Variants in PCDHGB3 observed in about 807,000 individuals in gnomAD.
PCDHGB3 encodes protocadherin gamma-B3.
Under a neutral mutation model 59.2 loss-of-function variants are expected in PCDHGB3, and 40 were observed. That is an observed-to-expected ratio of 0.68 (90% CI 0.52 to 0.88). The LOEUF (loss-of-function observed/expected upper bound fraction) is 0.88. PCDHGB3 is among the 40% of genes least tolerant of loss of function. The probability of loss-of-function intolerance (pLI) is 0.00; values close to 1 mark genes in which losing one functional copy is unlikely to be tolerated. For missense variants in PCDHGB3, 1,309 were observed against 1,187.9 expected, an observed-to-expected ratio of 1.10 and a Z score of -1.50; for synonymous variants, 581 against 503.6, an observed-to-expected ratio of 1.15 and a Z score of -2.06.
At chr5:141,437,096 C>T (rs989863634) in intron 1 of PCDHGB3, among the ~76,000 whole-genome samples, 6 of 152,122 alleles carry the variant, frequency 3.9e-5, no homozygotes, top group Non-Finnish European at 8.8e-5. Context: ...AAACTAACGG[C>T]TTAGCTTTAG....
rs1399250599 is a variant in PCDHGB3, at chr5:141,476,902, C to A, written c.2416-17905C>A. On this transcript the variant is annotated intron_variant, in intron 1 of 3. Coordinates refer to ENST00000576222, the MANE Select transcript of PCDHGB3 (RefSeq NM_018924.5). The surrounding 1 kb of genome is among the most constrained non-coding windows in gnomAD (Gnocchi z 7.6). ...TGGAGGATGCACCCTCCGGCACGCG[C>A]GTGGTACAAGTCCTTGCAACGGATC... 5 of 1,613,880 alleles carry A rather than the reference C, an allele frequency of 3.1e-6. No individual in the cohort carries two copies. Among genetic ancestry groups the A allele is most frequent in the South Asian group, 1.1e-5 (1 of 91,090 alleles).
chr5:141,450,468 A>G (rs1187171122), intron 1 of PCDHGB3, among the ~76,000 whole-genome samples: 2 of 151,696 alleles, frequency 1.3e-5, no homozygotes, highest in African/African-American at 4.9e-5. Flanking sequence ...TTTTATATAT[A>G]GAGTTTGTTT....
chr5:141,409,882 G>A, intron 1 of PCDHGB3: 1 of 1,613,006 alleles, frequency 6.2e-7, no homozygotes, highest in Non-Finnish European at 8.5e-7. Context: ...ACAACGCACC[G>A]CGGGTGCTGT....
intron 2 of PCDHGB3, among the ~76,000 whole-genome samples, chr5:141,503,977 CCTT>C (rs1012021012): frequency 1.3e-5 from 2 of 152,250 alleles, no homozygotes; most frequent in Admixed American, 1.3e-4. Flanking sequence ...GGTGCCAAAC[CCTT>C]CTTCTTACCT....
rs748017565 is a variant in PCDHGB3 at position 141,477,404 on chromosome 5, C to G, written c.2416-17403C>G. ...AGAATACAACCTCAGCATCACCGCCCGAGACGCCGGAACCCCTTCCCTCTC... is the reference window on the plus strand; with the variant it reads ...AGAATACAACCTCAGCATCACCGCCGGAGACGCCGGAACCCCTTCCCTCTC... On this transcript the variant is annotated intron_variant, in intron 1 of 3. Coordinates refer to ENST00000576222, the MANE Select transcript of PCDHGB3 (RefSeq NM_018924.5). The surrounding 1 kb of genome is among the most constrained non-coding windows in gnomAD (Gnocchi z 4.9). The G allele has an allele frequency of 1.9e-6, 3 of 1,614,042 alleles. No homozygotes were observed. Among genetic ancestry groups the G allele is most frequent in the African/African-American group, 1.3e-5 (1 of 74,902 alleles).
intron 1 of PCDHGB3, chr5:141,389,237 A>G (rs758770216): frequency 3.1e-6 from 5 of 1,612,662 alleles, no homozygotes; most frequent in Non-Finnish European, 4.2e-6. Flanking sequence ...CGGTTTTCTC[A>G]CAGTCTTCCT....
intron 1 of PCDHGB3, chr5:141,433,104 A>G: frequency 6.2e-7 from 1 of 1,614,214 alleles, no homozygotes; most frequent in Non-Finnish European, 8.5e-7. Flanking sequence ...CTCGTCAGCC[A>G]GGAGAGCTTT....
rs374253072 is a variant in PCDHGB3, at chr5:141,476,894, G to A, written c.2416-17913G>A. ...GCGCGTCCTGGAGGATGCACCCTCCGGCACGCGCGTGGTACAAGTCCTTGC... is the reference window on the plus strand; with the variant it reads ...GCGCGTCCTGGAGGATGCACCCTCCAGCACGCGCGTGGTACAAGTCCTTGC... On this transcript the variant is annotated intron_variant, in intron 1 of 3. Transcript: ENST00000576222. The surrounding 1 kb of genome is among the most constrained non-coding windows in gnomAD (Gnocchi z 7.6). 48 of 1,613,834 alleles carry A rather than the reference G, an allele frequency of 3.0e-5. No homozygotes were observed. In the African/African-American group the frequency reaches 5.6e-4, roughly 19 times the overall value.
intron 1 of PCDHGB3, chr5:141,413,581 A>T: frequency 1.9e-6 from 3 of 1,613,920 alleles, no homozygotes; most frequent in Non-Finnish European, 2.5e-6. Context: ...CAATGCTCCA[A>T]AATTCCAAGC....
intron 1 of PCDHGB3, chr5:141,384,406 TC>T: frequency 6.2e-7 from 1 of 1,613,908 alleles, no homozygotes; most frequent in Non-Finnish European, 8.5e-7. Flanking sequence ...TCCAGTGTCC[TC>T]CTATGTCTCC....
At chr5:141,413,025 A>G in intron 1 of PCDHGB3, 1 of 740,544 alleles carries the variant, frequency 1.4e-6, no homozygotes, top group Non-Finnish European at 2.1e-6. Context: ...CAAGCCCCAC[A>G]AACCGGCTGC....
At chr5:141,387,566 T>C in intron 1 of PCDHGB3, 1 of 445,866 alleles carries the variant, frequency 2.2e-6, no homozygotes, top group Non-Finnish European at 4.0e-6. Context: ...GGCACACAAT[T>C]ATAATTATTG....
chr5:141,442,786 A>T (rs569050347), intron 1 of PCDHGB3, among the ~76,000 whole-genome samples: 12 of 152,308 alleles, frequency 7.9e-5, no homozygotes, highest in African/African-American at 2.6e-4. Context: ...TATATTTTAT[A>T]ATTTTACTTT....
chr5:141,510,949 G>C lies in PCDHGB3; in HGVS notation c.2566G>C (p.Ala856Pro), dbSNP rs762789865. The C allele has an allele frequency of 2.2e-5, 36 of 1,614,012 alleles. No homozygotes were observed. The highest frequency in any genetic ancestry group is 3.0e-5 in the Non-Finnish European group (35 of 1,180,020). ...CTGATCTTCCTCTGTCTCTGCAGAA[G>C]CTGCTGATGGGAGCTCCACCCTGGG... ...QAMILASASE[A>P]ADGSSTLGGG... is the part of the protein sequence containing the mutation. The change falls in exon 4 of 4, where the codon GCT (alanine) becomes CCT (proline). Residue 856 changes from alanine (A) to proline (P), a missense_variant and splice_region_variant. Coordinates refer to ENST00000576222, the MANE Select transcript of PCDHGB3 (RefSeq NM_018924.5).
intron 1 of PCDHGB3, among the ~76,000 whole-genome samples, chr5:141,464,984 C>T (rs1345385418): frequency 1.3e-5 from 2 of 152,034 alleles, no homozygotes; most frequent in Non-Finnish European, 2.9e-5. Flanking sequence ...TCAAGTGATC[C>T]TCCCACCTCA....
chr5:141,399,010 G>A (rs1400790755), intron 1 of PCDHGB3: 5 of 1,613,726 alleles, frequency 3.1e-6, no homozygotes, highest in African/African-American at 1.3e-5. Flanking sequence ...TTCAAAGAGC[G>A]GAGAAATTAC....
chr5:141,371,686 C>T lies in PCDHGB3; in HGVS notation c.1292C>T (p.Pro431Leu), dbSNP rs377384867. ...TITATDKGNP[P>L]LSSSKTITLH... The stretch of plus-strand genomic sequence containing the variant: ...ACAGCTACCGACAAAGGCAATCCAC[C>T]GCTCTCCTCCAGCAAGACCATCACT... Residue 431 changes from proline (P) to leucine (L), a missense_variant, in exon 1 of 4, where the codon CCG (proline) becomes CTG (leucine). Physicochemically the swap from Pro to Leu is moderately conservative, Grantham distance 98. Transcript: ENST00000576222. 11 of 1,614,026 alleles carry T rather than the reference C, an allele frequency of 6.8e-6. No homozygotes were observed. Among genetic ancestry groups the T allele is most frequent in the Non-Finnish European group, 9.3e-6 (11 of 1,179,902 alleles).
intron 1 of PCDHGB3, chr5:141,426,432 C>A (rs1239073805): frequency 1.0e-5 from 3 of 295,812 alleles, no homozygotes; most frequent in South Asian, 3.3e-5. Flanking sequence ...TGGTGGGGAA[C>A]CTTGCGGAGG....
chr5:141,454,796 ATTTTTT>A (rs61612330), intron 1 of PCDHGB3, among the ~76,000 whole-genome samples: 41 of 77,454 alleles, frequency 5.3e-4, no homozygotes, highest in African/African-American at 1.7e-3. Context: ...CATGGTTCTA[ATTTTTT>A]TTTTTTTTTT....
Sources: allele counts gnomAD v4.1 joint callset (sites outside exome capture counted in the v4.1 genomes callset), GRCh38; gene constraint gnomAD v4.1.1; non-coding constraint Gnocchi (gnomAD v3.1); transcripts MANE v1.5; gene names NCBI Gene and HGNC (gene_info 2026-07-23, HGNC 2026-07-21).